The following MED14 variants were observed in gnomAD, a reference collection of about 807,000 sequenced individuals.
The protein encoded by MED14 is mediator of RNA polymerase II transcription subunit 14.
MED14 carries 8 observed loss-of-function variants against 109.0 expected under a neutral mutation model. The ratio of observed to expected loss-of-function variants is 0.07; its 90% CI spans 0.04 to 0.13. MED14 has a LOEUF of 0.13. Ranked by LOEUF, MED14 falls within the 10% of genes least tolerant of loss-of-function variation. The pLI is 1.00. For missense variants in MED14, 711 were observed against 1,142.4 expected (o/e 0.62, Z 5.44); for synonymous variants, 399 against 408.7 (o/e 0.98, Z 0.29).
intron 13 of MED14, 35 bp downstream of exon 13, chrX:40,696,989 C>T (rs764268459): frequency 3.7e-6 from 4 of 1,095,470 alleles, no homozygotes; most frequent in Middle Eastern, 3.5e-4. Context: ...AATTACTAAA[C>T]TTGATCACTC....
At chrX:40,654,885 G>C in intron 29 of MED14, 50 bp downstream of exon 29, 1 of 1,180,378 alleles carries the variant, frequency 8.5e-7, no homozygotes, top group Non-Finnish European at 1.1e-6. Context: ...TTATCATGTG[G>C]CATTTCCCTC....
rs776987273 is a variant in MED14, at chrX:40,669,934, C to T, written c.3133+1927G>A. On this transcript the variant is annotated intron_variant, in intron 23 of 30. Coordinates refer to ENST00000324817, the MANE Select transcript of MED14 (RefSeq NM_004229.4). ...CCTTATCGAATGCTCTTTCAGAAGC[C>T]CAAGTGACCCTTTTTGTAACACTCA... Among the ~76,000 whole-genome samples, 36 of 111,806 alleles carry T rather than the reference C, an allele frequency of 3.2e-4. No homozygotes were observed. The South Asian group carries it at 0.013, about 40-fold the overall frequency.
At chrX:40,671,792 A>C in intron 23 of MED14, 69 bp downstream of exon 23, 1 of 676,449 alleles carries the variant, frequency 1.5e-6, no homozygotes. Context: ...AGTGCTTCTC[A>C]ATGTGGGGTG....
At chrX:40,678,466 C>T (rs1373763681) in intron 21 of MED14, among the ~76,000 whole-genome samples, 1 of 111,348 alleles carries the variant, frequency 9.0e-6, no homozygotes, top group Non-Finnish European at 1.9e-5. Context: ...GTTGCAGCAG[C>T]GCTTACATAT....
At position 40,697,541 on chromosome X, in the gene MED14, T is replaced by C. The variant is rs761456226; in HGVS notation, c.1491-358A>G. 4.5e-5 allele frequency among the ~76,000 whole-genome samples: 5 copies of C among 112,047 alleles called. No individual in the cohort carries two copies. The East Asian group carries it at 1.4e-3, about 31-fold the overall frequency. On this transcript the variant is annotated intron_variant, in intron 12 of 30. Transcript: ENST00000324817. ...TCTTTATATAGCCCCAGTTTTTAAA[T>C]TGTGTATGTGTGAAGTGTGTAGTAT...
At chrX:40,711,666 A>G (rs965129136) in intron 7 of MED14, among the ~76,000 whole-genome samples, 2 of 110,151 alleles carry the variant, frequency 1.8e-5, no homozygotes, top group African/African-American at 6.6e-5. Flanking sequence ...TCTGTCATCC[A>G]GGCTGGAGTG....
At chrX:40,679,388 T>G (rs1442772768) in intron 21 of MED14, among the ~76,000 whole-genome samples, 1 of 111,257 alleles carries the variant, frequency 9.0e-6, no homozygotes, top group Non-Finnish European at 1.9e-5. Flanking sequence ...ATGCCTATAA[T>G]CTCAGCTACT....
rs751404985 is a variant in MED14 at position 40,730,292 on chromosome X, A to G, written c.216-947T>C. ...TGAGATGGAAGTTAAAGTTATGGTC[A>G]GAATGATAAAGGGAACTAGGTGGGG... On this transcript the variant is annotated intron_variant, in intron 1 of 30. Coordinates refer to ENST00000324817, the MANE Select transcript of MED14 (RefSeq NM_004229.4). Among the ~76,000 whole-genome samples, 36 of 112,453 alleles carry G rather than the reference A, an allele frequency of 3.2e-4. No individual in the cohort carries two copies. In the South Asian group the frequency reaches 0.013, roughly 41 times the overall value.
chrX:40,684,111 T>C (rs1250855362), intron 16 of MED14, among the ~76,000 whole-genome samples: 1 of 112,040 alleles, frequency 8.9e-6, no homozygotes, highest in African/African-American at 3.2e-5. Context: ...TAATTGGAAT[T>C]AGAGAATCTT....
Position 40,692,861 on chromosome X carries a change from C to A in MED14, c.1692G>T (p.Leu564=). The A allele has an allele frequency of 8.4e-7, 1 of 1,194,307 alleles. No individual in the cohort carries two copies. Among genetic ancestry groups the A allele is most frequent in the Non-Finnish European group, 1.1e-6 (1 of 888,177 alleles). ...MLEVPNKPTQ[L]SYKYYFMSVN... ...CAGACATAAAGTAGTACTTGTACGA[C>A]AGTTGTGTGGGTTTATTGGGAACCT... is the stretch of plus-strand genomic sequence containing the variant. The change falls in exon 14 of 31, where the codon CTG becomes CTT. Residue 564 remains leucine, a synonymous_variant. Transcript: ENST00000324817.
Position 40,697,050 on chromosome X carries a change from G to A in MED14, c.1624C>T (p.Leu542Phe). The change falls in exon 13 of 31, where the codon CTT (leucine) becomes TTT (phenylalanine). Residue 542 changes from leucine (L) to phenylalanine (F), a missense_variant. Leu to Phe is a conservative substitution (Grantham distance 22, BLOSUM62 0). This residue lies in a region of MED14 where 388 missense variants were observed against 517.3 expected (regional missense o/e 0.75). Coordinates refer to ENST00000324817, the MANE Select transcript of MED14 (RefSeq NM_004229.4). ...NLSKNKLFIK[L>F]TRLPQYYIVV... is the part of the protein sequence containing the mutation. Reference sequence around the variant, plus strand: ...ATGTAGTATTGTGGAAGGCGGGTAAGTTTAATGAACAGTTTATTCTTAGAA... The same window carrying A: ...ATGTAGTATTGTGGAAGGCGGGTAAATTTAATGAACAGTTTATTCTTAGAA... 1 of 1,204,711 alleles carries A rather than the reference G, an allele frequency of 8.3e-7. No homozygotes were observed. Among genetic ancestry groups the A allele is most frequent in the Non-Finnish European group, 1.1e-6 (1 of 890,066 alleles).
At chrX:40,717,714 G>C (rs1012330258) in intron 3 of MED14, among the ~76,000 whole-genome samples, 1 of 111,164 alleles carries the variant, frequency 9.0e-6, no homozygotes, top group African/African-American at 3.3e-5. Context: ...GTAAAGACGG[G>C]GTTTCACCAT....
intron 13 of MED14, among the ~76,000 whole-genome samples, chrX:40,696,221 G>A (rs796820976): frequency 2.9e-5 from 3 of 103,493 alleles, no homozygotes; most frequent in Admixed American, 1.1e-4. Context: ...TGCAAGCTCC[G>A]CCTCCCGGGT....
At chrX:40,707,359 G>T (rs1327244311) in intron 10 of MED14, among the ~76,000 whole-genome samples, 1 of 111,989 alleles carries the variant, frequency 8.9e-6, no homozygotes, top group Non-Finnish European at 1.9e-5. Flanking sequence ...CACATTGCTG[G>T]TTAGATTGTA....
chrX:40,662,411 G>A (rs1360037430), intron 26 of MED14, among the ~76,000 whole-genome samples: 1 of 110,359 alleles, frequency 9.1e-6, no homozygotes, highest in Non-Finnish European at 1.9e-5. Context: ...TTTGTAGAGA[G>A]AGGGTCTTGC....
chrX:40,661,214 T>C (rs147136919), intron 26 of MED14, among the ~76,000 whole-genome samples: 2,517 of 112,818 alleles, frequency 0.022, 76 homozygotes, highest in African/African-American at 0.076. Flanking sequence ...CCTAAGTAGC[T>C]GGGATTACAG....
chrX:40,726,362 T>C (rs770146072), intron 3 of MED14: 11 of 109,705 alleles, frequency 1.0e-4, no homozygotes, highest in African/African-American at 3.8e-4. Flanking sequence ...CATTTTGTCA[T>C]CTGTAAAACT....
At chrX:40,724,748 G>A (rs945150013) in intron 3 of MED14, among the ~76,000 whole-genome samples, 2 of 111,373 alleles carry the variant, frequency 1.8e-5, no homozygotes, top group African/African-American at 6.5e-5. Context: ...ACCTAATGAT[G>A]CATCTTAAAG....
In MED14 at chrX:40,692,321, G is replaced by T; in HGVS notation, c.1846-4C>A. 2 of 1,066,669 alleles carry T rather than the reference G, an allele frequency of 1.9e-6. No homozygotes were observed. Among genetic ancestry groups the T allele is most frequent in the Non-Finnish European group, 2.5e-6 (2 of 802,602 alleles). The allele number at this position is 1,066,669 out of a possible 1,213,427, so 87.9% of individuals were successfully genotyped here. On this transcript the variant is annotated splice_polypyrimidine_tract_variant and splice_region_variant and intron_variant, in intron 14 of 30. Transcript: ENST00000324817. The stretch of plus-strand genomic sequence containing the variant: ...CTGGACATGGATCATCAGACAACTA[G>T]AATTTAAGTAAAGAACACAAACAGG...
Sources: gnomAD v4.1 joint callset for allele counts (sites outside exome capture counted in the v4.1 genomes callset) on GRCh38, gnomAD v4.1.1 for gene constraint, gnomAD v4.1.1 regional missense constraint, MANE v1.5 for transcripts, NCBI Gene and HGNC (gene_info 2026-07-23, HGNC 2026-07-21) for gene names.